Variants in SMARCA4 observed in about 807,000 individuals in gnomAD.
SMARCA4 encodes the protein SWI/SNF-related matrix-associated actin-dependent regulator of chromatin subfamily A member 4.
Under a neutral mutation model 193.9 loss-of-function variants are expected in SMARCA4, and 31 were observed. That is an observed-to-expected ratio of 0.16 (90% CI 0.12 to 0.22). The LOEUF (loss-of-function observed/expected upper bound fraction) is 0.22, where lower values mean the gene tolerates loss of function less well. Among genes scored for constraint, SMARCA4 ranks in the 10% least tolerant of loss-of-function variants. SMARCA4 has a pLI of 1.00. For missense variants in SMARCA4, 1,148 were observed against 2,296.0 expected (o/e 0.50, Z 10.22); for synonymous variants, 942 against 933.1 (o/e 1.01, Z -0.17).
intron 16 of SMARCA4, among the ~76,000 whole-genome samples, chr19:11,015,590 G>A (rs1200440506): frequency 1.3e-5 from 2 of 152,132 alleles, no homozygotes; most frequent in East Asian, 1.9e-4. Context: ...TAACTGTCTC[G>A]TGGGAACGTA....
chr19:11,056,013 A>G (rs145311416), intron 30 of SMARCA4, among the ~76,000 whole-genome samples: 3 of 152,180 alleles, frequency 2.0e-5, no homozygotes, highest in Non-Finnish European at 4.4e-5. Flanking sequence ...GTAAAGCGCA[A>G]CTCTTGCTGT....
At chr19:11,005,056 G>A (rs1186761213) in intron 13 of SMARCA4, among the ~76,000 whole-genome samples, 2 of 152,086 alleles carry the variant, frequency 1.3e-5, no homozygotes, top group East Asian at 1.9e-4. Context: ...GGCTGGTCTC[G>A]AACTCCTGAC....
Position 10,991,194 on chromosome 19 carries a change from G to T in SMARCA4, c.1290G>T (p.Leu430=), listed in dbSNP as rs1421114940. ...VVVCMRRDTA[L]ETALNAKAYK... ...TGTGCATGCGGAGGGACACAGCGCT[G>T]GAGACAGCCCTCAATGCTAAGGCCT... The change falls in exon 8 of 35, where the codon CTG becomes CTT. Residue 430 remains leucine (L), a synonymous_variant. Coordinates refer to ENST00000344626, the MANE Select transcript of SMARCA4 (RefSeq NM_003072.5). 1 of 1,613,922 alleles carries T rather than the reference G, an allele frequency of 6.2e-7. No homozygotes were observed.
At chr19:10,999,006 G>C (rs1265277054) in intron 11 of SMARCA4, among the ~76,000 whole-genome samples, 2 of 151,744 alleles carry the variant, frequency 1.3e-5, no homozygotes, top group Non-Finnish European at 2.9e-5. Context: ...GGACTGAAGC[G>C]ATCCTCCCAC....
chr19:11,016,210 G>A (rs1020409281), intron 16 of SMARCA4, among the ~76,000 whole-genome samples: 12 of 152,036 alleles, frequency 7.9e-5, no homozygotes, highest in African/African-American at 2.4e-4. Flanking sequence ...AGTTCAGAGA[G>A]CAGGAACTCA....
chr19:10,981,587 G>T (rs964259583), intron 1 of SMARCA4, among the ~76,000 whole-genome samples: 1 of 152,206 alleles, frequency 6.6e-6, no homozygotes, highest in South Asian at 2.1e-4. Flanking sequence ...GCCAGCCACT[G>T]GTTCCTCCCC....
chr19:11,054,917 G>A (rs1238047459), intron 30 of SMARCA4, among the ~76,000 whole-genome samples: 1 of 152,198 alleles, frequency 6.6e-6, no homozygotes. Flanking sequence ...AGCGGAGCTA[G>A]GGGCACTGAC....
At chr19:10,995,687 C>T (rs940370939) in intron 9 of SMARCA4, 4 of 368,350 alleles carry the variant, frequency 1.1e-5, no homozygotes, top group Admixed American at 1.1e-4. Flanking sequence ...CCCTGGGCTC[C>T]CAGAACAGCG....
intron 30 of SMARCA4, among the ~76,000 whole-genome samples, chr19:11,050,333 C>T (rs2076189315): frequency 6.6e-6 from 1 of 152,256 alleles, no homozygotes; most frequent in Admixed American, 6.5e-5. Flanking sequence ...CTGGAGGCAG[C>T]AGCCCTGTGG....
At chr19:11,002,968 C>T (rs2146091366) in intron 11 of SMARCA4, 61 bp from the exon 12 acceptor site, 2 of 1,606,890 alleles carry the variant, frequency 1.2e-6, no homozygotes, top group Non-Finnish European at 1.7e-6. Context: ...ACCTTGGCCT[C>T]TGTAAGTGTT....
intron 30 of SMARCA4, among the ~76,000 whole-genome samples, chr19:11,046,648 A>G (rs1419982981): frequency 2.0e-5 from 3 of 152,198 alleles, no homozygotes; most frequent in Non-Finnish European, 1.5e-5. Flanking sequence ...CAACTCAGGA[A>G]AGATAGTCGT....
intron 11 of SMARCA4, among the ~76,000 whole-genome samples, chr19:11,000,564 T>C (rs940755778): frequency 2.0e-5 from 3 of 151,778 alleles, no homozygotes; most frequent in African/African-American, 7.3e-5. Flanking sequence ...CTCACAGTTC[T>C]GAAGCCATCT....
intron 16 of SMARCA4, among the ~76,000 whole-genome samples, chr19:11,013,370 C>G (rs2042939370): frequency 1.3e-5 from 2 of 152,200 alleles, no homozygotes; most frequent in Admixed American, 1.3e-4. Flanking sequence ...TCTGTGTCCT[C>G]ATCTCTTCTT....
chr19:11,059,729 C>A, intron 32 of SMARCA4, 24 bp from the exon 33 acceptor site: 1 of 1,554,300 alleles, frequency 6.4e-7, no homozygotes, highest in South Asian at 1.2e-5. Context: ...CCCATCCACT[C>A]AAGCCCCTGG....
intron 32 of SMARCA4, 123 bp from the exon 33 acceptor site, chr19:11,059,630 C>T (rs934172489): frequency 3.6e-6 from 4 of 1,101,670 alleles, no homozygotes; most frequent in Middle Eastern, 2.1e-4. Context: ...CGCTGAGGCT[C>T]GCATTGGCCA....
chr19:10,994,681 G>A (rs531117879), intron 8 of SMARCA4, 147 bp from the exon 9 acceptor site: 46 of 716,596 alleles, frequency 6.4e-5, no homozygotes, highest in Non-Finnish European at 1.1e-4. Context: ...GGATGATCTC[G>A]ATCTCCTGAC....
At chr19:11,056,533 A>G (rs1568557494) in intron 30 of SMARCA4, among the ~76,000 whole-genome samples, 2 of 152,164 alleles carry the variant, frequency 1.3e-5, no homozygotes, top group Non-Finnish European at 2.9e-5. Flanking sequence ...CCAGGCCAGG[A>G]GATTCACTCC....
chr19:11,016,783 T>A (rs1195965584), intron 16 of SMARCA4, among the ~76,000 whole-genome samples: 1 of 152,182 alleles, frequency 6.6e-6, no homozygotes, highest in Non-Finnish European at 1.5e-5. Flanking sequence ...TGCTTTCAGT[T>A]GGCTCTTCTG....
Position 10,985,687 on chromosome 19 carries a change from A to G in SMARCA4, c.355+282A>G, listed in dbSNP as rs2085964448. 6.6e-6 allele frequency among the ~76,000 whole-genome samples: 1 copy of G among 152,160 alleles called. No individual in the cohort carries two copies. The highest frequency in any genetic ancestry group is 1.5e-5 in the Non-Finnish European group (1 of 68,016). ...CTGTGCAGGGCAGCAGCCCCGTGCC[A>G]CCCAGGAACTTACTGGAAATACAGA... On this transcript the variant is annotated intron_variant, in intron 3 of 34. Transcript: ENST00000344626. The surrounding 1 kb of genome is among the most constrained non-coding windows in gnomAD (Gnocchi z 4.5).
Sources: allele counts gnomAD v4.1 joint callset (sites outside exome capture counted in the v4.1 genomes callset), GRCh38; gene constraint gnomAD v4.1.1; non-coding constraint Gnocchi (gnomAD v3.1); transcripts MANE v1.5; gene names NCBI Gene and HGNC (gene_info 2026-07-23, HGNC 2026-07-21).